UBTD2: variants seen among roughly 807,000 people sequenced by gnomAD.
UBTD2 encodes ubiquitin domain containing 2.
Under a neutral mutation model 19.8 loss-of-function variants are expected in UBTD2, and 9 were observed. That is an observed-to-expected ratio of 0.46 (90% CI 0.27 to 0.79). UBTD2 has a LOEUF of 0.79. Ranked by LOEUF, UBTD2 falls within the 30% of genes least tolerant of loss-of-function variation. The pLI, the probability that UBTD2 is intolerant of heterozygous loss-of-function variation, is 0.14. For synonymous variants in UBTD2, 98 were observed against 103.9 expected, an observed-to-expected ratio of 0.94 and a Z score of 0.35; for missense variants, 250 against 300.4, an observed-to-expected ratio of 0.83 and a Z score of 1.24.
At chr5:172,229,542 T>C (rs13165241) in intron 2 of UBTD2, among the ~76,000 whole-genome samples, 13,679 of 149,544 alleles carry the variant, frequency 0.091, 682 homozygotes, top group South Asian at 0.15. Flanking sequence ...AGCTTTTACA[T>C]TTGAATTGCT....
intron 1 of UBTD2, among the ~76,000 whole-genome samples, chr5:172,246,751 C>CT (rs70982379): frequency 0.017 from 1,048 of 62,488 alleles, 256 homozygotes; most frequent in East Asian, 0.081. Flanking sequence ...GCCGAGATTG[C>CT]TTTTTTTTTT....
intron 1 of UBTD2, among the ~76,000 whole-genome samples, chr5:172,262,624 C>CA (rs1755294018): frequency 1.3e-5 from 2 of 151,910 alleles, no homozygotes; most frequent in South Asian, 4.2e-4. Context: ...CCAGCCTCAC[C>CA]AACAAGGCAA....
chr5:172,220,190 TTAATA>T (rs1288281185), intron 2 of UBTD2, among the ~76,000 whole-genome samples: 1 of 152,148 alleles, frequency 6.6e-6, no homozygotes, highest in Middle Eastern at 3.2e-3. Flanking sequence ...TGAAAATCAA[TTAATA>T]TAATCCATAA....
In UBTD2 at chr5:172,210,861, ATTAAC is replaced by A. The variant is rs910138430; in HGVS notation, c.*964_*968del. On this transcript the variant is annotated 3_prime_UTR_variant, in exon 3 of 3. Transcript: ENST00000393792. Reference sequence around the variant, plus strand: ...CAAAGTGGAGGAAATCATTTACTTTATTAACTTGAGTGGGAACAGCTATAATTGAT... The same window carrying A: ...CAAAGTGGAGGAAATCATTTACTTTATTGAGTGGGAACAGCTATAATTGAT... 5.9e-5 allele frequency: 9 copies of A among 152,208 alleles called. No individual in the cohort carries two copies. Among genetic ancestry groups the A allele is most frequent in the African/African-American group, 2.2e-4 (9 of 41,530 alleles). 9.4% of individuals were successfully genotyped at this position (152,208 alleles called of 1,614,324 possible). A position where few individuals can be genotyped will look rare whatever the true frequency, so the allele number is the denominator to read the frequency against.
At chr5:172,220,130 C>T (rs1771621700) in intron 2 of UBTD2, among the ~76,000 whole-genome samples, 1 of 152,110 alleles carries the variant, frequency 6.6e-6, no homozygotes, top group Non-Finnish European at 1.5e-5. Flanking sequence ...TAATTATACA[C>T]CATGACCAAG....
intron 1 of UBTD2, among the ~76,000 whole-genome samples, chr5:172,270,313 CA>C (rs1042013944): frequency 3.6e-4 from 54 of 148,184 alleles, no homozygotes; most frequent in African/African-American, 1.3e-3. Context: ...AGCTCTTATT[CA>C]AAAGTTCTGA....
rs114869174 is a variant in UBTD2 at position 172,261,172 on chromosome 5, C to T, written c.70+22424G>A. 3.2e-3 allele frequency among the ~76,000 whole-genome samples: 490 copies of T among 152,296 alleles called. 1 individual carries two copies. Among genetic ancestry groups the T allele is most frequent in the African/African-American group, 0.011 (467 of 41,556 alleles). Reference sequence around the variant, plus strand: ...TTTAGGAAGCAAGAATGTCTCTGCTCCCTTTATCAACTATAAAACCAGAAG... The same window carrying T: ...TTTAGGAAGCAAGAATGTCTCTGCTTCCTTTATCAACTATAAAACCAGAAG... On this transcript the variant is annotated intron_variant, in intron 1 of 2. Transcript: ENST00000393792.
chr5:172,259,340 AC>A (rs1444594486), intron 1 of UBTD2, among the ~76,000 whole-genome samples: 1 of 151,936 alleles, frequency 6.6e-6, no homozygotes, highest in Non-Finnish European at 1.5e-5. Flanking sequence ...ACAGGGTTTC[AC>A]TATTTTGGCC....
At position 172,242,531 on chromosome 5, in the gene UBTD2, A is replaced by G. The variant is rs768514216; in HGVS notation, c.71-8173T>C. 2.6e-5 allele frequency: 16 copies of G among 607,810 alleles called. No homozygotes were observed. In the South Asian group the frequency reaches 5.1e-4, roughly 19 times the overall value. 37.7% of individuals were successfully genotyped at this position (607,810 alleles called of 1,614,324 possible). On this transcript the variant is annotated intron_variant, in intron 1 of 2. Transcript: ENST00000393792. ...GTTCCTTTACCCTTTGTATTAACCT[A>G]TAAATAGGAAGTTAGGTTTAGAAGC... is the stretch of plus-strand genomic sequence containing the variant.
intron 1 of UBTD2, chr5:172,252,319 CTT>C: frequency 6.6e-6 from 1 of 151,606 alleles, no homozygotes; most frequent in Non-Finnish European, 1.5e-5. Flanking sequence ...AGAAGTTGGC[CTT>C]TTTTTTTCCC....
intron 2 of UBTD2, among the ~76,000 whole-genome samples, chr5:172,219,238 C>A (rs560810993): frequency 6.6e-6 from 1 of 152,332 alleles, no homozygotes; most frequent in Non-Finnish European, 1.5e-5. Context: ...TCTCTGCAAT[C>A]TTTTTCATTA....
chr5:172,233,322 C>T (rs1771942849), intron 2 of UBTD2, among the ~76,000 whole-genome samples: 1 of 151,878 alleles, frequency 6.6e-6, no homozygotes, highest in Admixed American at 6.6e-5. Flanking sequence ...GAAAAGACAA[C>T]CTTGAAAAAT....
At chr5:172,265,227 T>C (rs1755352490) in intron 1 of UBTD2, among the ~76,000 whole-genome samples, 3 of 152,200 alleles carry the variant, frequency 2.0e-5, no homozygotes, top group African/African-American at 4.8e-5. Flanking sequence ...TCTGAGTTAA[T>C]TACCATGAAG....
Position 172,211,847 on chromosome 5 carries a change from T to C in UBTD2, c.688A>G (p.Thr230Ala), listed in dbSNP as rs1363683954. Residue 230 changes from threonine (T) to alanine (A), a missense_variant, in exon 3 of 3, where the codon ACA becomes GCA. By Grantham distance (58) the Thr-to-Ala change is moderately conservative. Transcript: ENST00000393792. ...GGCTCAGTTCAGTTCTCCACTGGTGTTGGGTTCTGCACAGGTTGGCTCACT... is the reference window on the plus strand; with the variant it reads ...GGCTCAGTTCAGTTCTCCACTGGTGCTGGGTTCTGCACAGGTTGGCTCACT... ...VIVSQPVQNPTPVEN is the reference protein window; with the variant it reads ...VIVSQPVQNPAPVEN 1.2e-6 allele frequency: 2 copies of C among 1,611,000 alleles called. No homozygotes were observed. Among genetic ancestry groups the C allele is most frequent in the Admixed American group, 1.7e-5 (1 of 59,894 alleles).
At chr5:172,250,181 C>T (rs1253423273) in intron 1 of UBTD2, among the ~76,000 whole-genome samples, 1 of 152,090 alleles carries the variant, frequency 6.6e-6, no homozygotes, top group African/African-American at 2.4e-5. Flanking sequence ...CGAGATAGCA[C>T]CACTGCACTC....
rs150507941 is a variant in UBTD2, at chr5:172,250,297, T to C, written c.71-15939A>G. Among the ~76,000 whole-genome samples the C allele has an allele frequency of 1.4e-3, 220 of 152,226 alleles. 2 individuals carry two copies. In the Middle Eastern group the frequency reaches 0.031, roughly 21 times the overall value. On this transcript the variant is annotated intron_variant, in intron 1 of 2. Coordinates refer to ENST00000393792, the MANE Select transcript of UBTD2 (RefSeq NM_152277.3). The stretch of plus-strand genomic sequence containing the variant: ...AATCTTCCCATAAAATACTTATCAT[T>C]TGCATTAGGAAAAATAGTTAACTTT...
chr5:172,241,130 C>A (rs574172248), intron 1 of UBTD2, among the ~76,000 whole-genome samples: 1 of 151,710 alleles, frequency 6.6e-6, no homozygotes, highest in South Asian at 2.1e-4. Context: ...ATCAAGGATG[C>A]TGGCCGGGCA....
At chr5:172,274,821 A>T (rs1374943858) in intron 1 of UBTD2, among the ~76,000 whole-genome samples, 22 of 152,092 alleles carry the variant, frequency 1.4e-4, no homozygotes, top group Admixed American at 1.4e-3. Context: ...TGGGCGGATC[A>T]TGAGGTCAGG....
intron 1 of UBTD2, among the ~76,000 whole-genome samples, chr5:172,237,163 G>A (rs964485965): frequency 2.6e-5 from 4 of 152,080 alleles, no homozygotes; most frequent in Non-Finnish European, 5.9e-5. Flanking sequence ...GGTGCAACCC[G>A]ACTCACTGCA....
Sources: allele counts gnomAD v4.1 joint callset (sites outside exome capture counted in the v4.1 genomes callset), GRCh38; gene constraint gnomAD v4.1.1; transcripts MANE v1.5; gene names NCBI Gene and HGNC (gene_info 2026-07-23, HGNC 2026-07-21).